KDM6A: variants seen among roughly 807,000 people sequenced by gnomAD.
KDM6A encodes lysine demethylase 6A, also known as lysine-specific demethylase 6A.
Under a neutral mutation model 117.6 loss-of-function variants are expected in KDM6A, and 11 were observed. The observed-to-expected ratio is 0.09, with a 90% CI of 0.06 to 0.15. The LOEUF (loss-of-function observed/expected upper bound fraction) is 0.15. Ranked by LOEUF, KDM6A falls within the 10% of genes least tolerant of loss-of-function variation. The pLI, the probability that KDM6A is intolerant of heterozygous loss-of-function variation, is 1.00. For synonymous variants in KDM6A, 384 were observed against 396.1 expected (o/e 0.97, Z 0.36); for missense variants, 799 against 1,077.3 (o/e 0.74, Z 3.62).
At chrX:45,109,993 T>A in intron 28 of KDM6A, 86 bp from the exon 29 acceptor site, 1 of 908,741 alleles carries the variant, frequency 1.1e-6, no homozygotes. Context: ...CACAATTTCA[T>A]TCAAGTAGAA....
intron 2 of KDM6A, among the ~76,000 whole-genome samples, chrX:44,895,083 TTTATTTA>T (rs2033717633): frequency 2.5e-5 from 2 of 80,529 alleles, no homozygotes; most frequent in Admixed American, 2.6e-4. Context: ...ATTTTATTTA[TTTATTTA>T]TTTATTTATT....
rs553929914 is a variant in KDM6A, at chrX:44,989,258, G to C, written c.384+14543G>C. On this transcript the variant is annotated intron_variant, in intron 4 of 29. Coordinates refer to ENST00000611820, the MANE Select transcript of KDM6A (RefSeq NM_001291415.2). ...TTGCTAAGACTGTTGGAAAAGCGCA[G>C]TATTAGGGTGGGAGTGACCTGATTT... Among the ~76,000 whole-genome samples the C allele has an allele frequency of 1.5e-4, 15 of 101,249 alleles. 1 individual carries two copies. The South Asian group carries it at 7.5e-3, about 51-fold the overall frequency. The allele number at this position is 101,249 out of a possible 115,157, so 87.9% of individuals were successfully genotyped here.
chrX:44,898,510 C>G (rs1298696341), intron 2 of KDM6A, among the ~76,000 whole-genome samples: 2 of 111,296 alleles, frequency 1.8e-5, no homozygotes, highest in Non-Finnish European at 3.8e-5. Flanking sequence ...CCTGTTGACA[C>G]CAGGCCTGTG....
intron 5 of KDM6A, 89 bp from the exon 6 acceptor site, chrX:45,020,521 T>G (rs1191731082): frequency 2.1e-6 from 2 of 933,594 alleles, no homozygotes; most frequent in Non-Finnish European, 3.1e-6. Context: ...AAAACAATAT[T>G]GCATAAAACA....
chrX:44,876,983 A>ACGTATACACATACGTATATACACT (rs2031671857), intron 2 of KDM6A, among the ~76,000 whole-genome samples: 2 of 108,588 alleles, frequency 1.8e-5, no homozygotes, highest in African/African-American at 6.8e-5. Context: ...ACGTATATAC[A>ACGTATACACATACGTATATACACT]CGTATACGCA....
chrX:45,041,133 A>C (rs1159448380), intron 8 of KDM6A, among the ~76,000 whole-genome samples: 48 of 22,876 alleles, frequency 2.1e-3, no homozygotes, highest in African/African-American at 4.1e-3. Context: ...GCTGACCCCC[A>C]CCACCTCCCT....
intron 18 of KDM6A, among the ~76,000 whole-genome samples, chrX:45,070,713 T>G (rs1039798199): frequency 3.6e-5 from 4 of 110,124 alleles, no homozygotes; most frequent in Admixed American, 9.7e-5. Flanking sequence ...TATGGGTTTT[T>G]TTTTTTTTTT....
intron 2 of KDM6A, among the ~76,000 whole-genome samples, chrX:44,932,583 C>T (rs1457267342): frequency 1.8e-5 from 2 of 111,531 alleles, no homozygotes; most frequent in African/African-American, 6.5e-5. Flanking sequence ...CTTTGACATA[C>T]CAAGGTCTCT....
intron 27 of KDM6A, among the ~76,000 whole-genome samples, chrX:45,103,442 C>T (rs1603040300): frequency 9.0e-6 from 1 of 111,286 alleles, no homozygotes; most frequent in East Asian, 2.8e-4. Flanking sequence ...CCTCCCCTCA[C>T]CTGAAGATGA....
At chrX:44,929,778 T>A (rs1015663734) in intron 2 of KDM6A, among the ~76,000 whole-genome samples, 18 of 111,948 alleles carry the variant, frequency 1.6e-4, no homozygotes, top group Non-Finnish European at 5.6e-5. Context: ...AGAGTTCCAA[T>A]TCTTCTACAT....
chrX:45,030,691 CTTTTA>C (rs1373429776), intron 6 of KDM6A, among the ~76,000 whole-genome samples: 2 of 110,971 alleles, frequency 1.8e-5, no homozygotes, highest in Admixed American at 1.9e-4. Flanking sequence ...TTAATTTATA[CTTTTA>C]TTTTATTTTT....
chrX:45,106,707 A>T, intron 27 of KDM6A: 1 of 323,173 alleles, frequency 3.1e-6, no homozygotes. Flanking sequence ...GAGAATCAGT[A>T]CAAATTGTGA....
chrX:45,026,786 G>T (rs1026707087), intron 6 of KDM6A, among the ~76,000 whole-genome samples: 18 of 99,550 alleles, frequency 1.8e-4, no homozygotes, highest in Non-Finnish European at 2.8e-4. Flanking sequence ...AGCTGAGATC[G>T]CACCATTGCA....
At chrX:45,067,653 G>GTTTTTTT (rs1192862756) in intron 17 of KDM6A, among the ~76,000 whole-genome samples, 6 of 83,298 alleles carry the variant, frequency 7.2e-5, no homozygotes, top group African/African-American at 2.8e-4. Context: ...TCTTTTTTTT[G>GTTTTTTT]TTTTTTTTTT....
chrX:44,971,404 G>A (rs2039335768), intron 3 of KDM6A, among the ~76,000 whole-genome samples: 2 of 111,404 alleles, frequency 1.8e-5, no homozygotes, highest in South Asian at 7.5e-4. Context: ...GATGTTTTTG[G>A]GTAATGTTTC....
intron 29 of KDM6A, among the ~76,000 whole-genome samples, chrX:45,111,130 C>G (rs1425656017): frequency 9.0e-6 from 1 of 110,813 alleles, no homozygotes; most frequent in Non-Finnish European, 1.9e-5. Flanking sequence ...AATAACATTC[C>G]AAGAGTTTTT....
chrX:44,921,319 A>G (rs1055698132), intron 2 of KDM6A, among the ~76,000 whole-genome samples: 7 of 112,219 alleles, frequency 6.2e-5, no homozygotes, highest in Admixed American at 9.4e-5. Flanking sequence ...ACCGTACAAT[A>G]TCAAGATAAG....
At chrX:44,874,742 C>A (rs922962450) in intron 2 of KDM6A, among the ~76,000 whole-genome samples, 7 of 86,948 alleles carry the variant, frequency 8.1e-5, no homozygotes, top group Non-Finnish European at 1.3e-4. Flanking sequence ...CTGCTCCTAT[C>A]GGCCCAAGAT....
chrX:45,070,186 T>C lies in KDM6A; in HGVS notation c.2687T>C (p.Leu896Pro), dbSNP rs2148053840. 3 of 1,211,608 alleles carry C rather than the reference T, an allele frequency of 2.5e-6. No homozygotes were observed. The highest frequency in any genetic ancestry group is 3.4e-6 in the Non-Finnish European group (3 of 895,344). Reference protein sequence around the residue: ...EQTTTNSVTSLNSPHSGLHTI... With the variant: ...EQTTTNSVTSPNSPHSGLHTI... ...ACAACCACAAACAGTGTTACCAGCC[T>C]TAACAGCCCTCACAGTGGGCTACAC... The change falls in exon 18 of 30, where the codon CTT becomes CCT. Residue 896 changes from leucine to proline, a missense_variant. By Grantham distance (98) the Leu-to-Pro change is moderately conservative. Around this residue, in one of 8 missense-constraint regions of KDM6A, gnomAD observed 291 missense variants for 437.9 expected, o/e 0.66. Transcript: ENST00000611820.
Sources: allele counts gnomAD v4.1 joint callset (sites outside exome capture counted in the v4.1 genomes callset), GRCh38; gene constraint gnomAD v4.1.1; regional missense constraint gnomAD v4.1.1; transcripts MANE v1.5; gene names NCBI Gene and HGNC (gene_info 2026-07-23, HGNC 2026-07-21).